Variants in RANBP3 observed in about 807,000 individuals in gnomAD.
The protein encoded by RANBP3 is RAN binding protein 3, also known as ran-binding protein 3.
Under a neutral mutation model 77.3 loss-of-function variants are expected in RANBP3, and 14 were observed. The observed-to-expected ratio is 0.18, with a 90% confidence interval of 0.12 to 0.28. The LOEUF (loss-of-function observed/expected upper bound fraction) is 0.28. Ranked by LOEUF, RANBP3 falls within the 10% of genes least tolerant of loss-of-function variation. RANBP3 has a pLI of 1.00. For missense variants in RANBP3, 586 were observed against 752.3 expected (o/e 0.78, Z 2.59); for synonymous variants, 315 against 312.4 (o/e 1.01, Z -0.09).
intron 5 of RANBP3, among the ~76,000 whole-genome samples, chr19:5,934,738 G>A (rs1385149221): frequency 2.6e-5 from 4 of 152,220 alleles, no homozygotes; most frequent in Non-Finnish European, 4.4e-5. Context: ...GGAGGCAGAG[G>A]TGGGAAGATC....
rs761605718 is a variant in RANBP3 at position 5,941,823 on chromosome 19, C to T, written c.295G>A (p.Gly99Ser). Residue 99 changes from glycine to serine, a missense_variant, in exon 4 of 17, where the codon GGC (glycine) becomes AGC (serine). Physicochemically the swap from Gly to Ser is moderately conservative, Grantham distance 56. Around this residue, in one of 5 missense-constraint regions of RANBP3, gnomAD observed 172 missense variants for 183.4 expected, o/e 0.94. Coordinates refer to ENST00000340578, the MANE Select transcript of RANBP3 (RefSeq NM_007322.3). ...PRELAGRSAG[G>S]SSPEGGEDSD... is the part of the protein sequence containing the mutation. ...CCTTCTCCGCCTTCAGGACTGGAGC[C>T]GCCAGCTGACCTCTGAAACAAGGAG... The T allele has an allele frequency of 2.7e-5, 43 of 1,611,980 alleles. No individual in the cohort carries two copies. The highest frequency in any genetic ancestry group is 1.5e-4 in the South Asian group (14 of 90,980).
rs1001282609 is a variant in RANBP3, at chr19:5,958,786, T to C, written c.23-813A>G. 1.3e-5 allele frequency among the ~76,000 whole-genome samples: 2 copies of C among 152,226 alleles called. No individual in the cohort carries two copies. Among genetic ancestry groups the C allele is most frequent in the African/African-American group, 4.8e-5 (2 of 41,458 alleles). On this transcript the variant is annotated intron_variant, in intron 1 of 16. Transcript: ENST00000340578. The surrounding 1 kb of genome is among the most constrained non-coding windows in gnomAD (Gnocchi z 4.4). Reference sequence around the variant, plus strand: ...TCATGGCCTTGGGCCTGCATGCACTTTGATGAACTCTGGGGGTGCTCCCAG... The same window carrying C: ...TCATGGCCTTGGGCCTGCATGCACTCTGATGAACTCTGGGGGTGCTCCCAG...
Position 5,924,932 on chromosome 19 carries a change from G to T in RANBP3, c.918-27C>A. 6.3e-7 allele frequency: 1 copy of T among 1,599,872 alleles called. No individual in the cohort carries two copies. Among genetic ancestry groups the T allele is most frequent in the Non-Finnish European group, 8.6e-7 (1 of 1,167,126 alleles). Reference sequence around the variant, plus strand: ...TGAAGAGAAGATGTGCAATGAGTGTGGGGCGTCACGTGGGAACGTGGCCAG... The same window carrying T: ...TGAAGAGAAGATGTGCAATGAGTGTTGGGCGTCACGTGGGAACGTGGCCAG... On this transcript the variant is annotated intron_variant, in intron 10 of 16. Transcript: ENST00000340578. The surrounding 1 kb of genome is among the most constrained non-coding windows in gnomAD (Gnocchi z 4.7).
intron 5 of RANBP3, chr19:5,934,332 A>G (rs1249990781): frequency 6.6e-6 from 1 of 152,266 alleles, no homozygotes; most frequent in Non-Finnish European, 1.5e-5. Flanking sequence ...AGACTGTGGC[A>G]TTATGGCTCC....
At chr19:5,951,233 T>C (rs1008553941) in intron 3 of RANBP3, among the ~76,000 whole-genome samples, 160 bp downstream of exon 3, 1 of 152,198 alleles carries the variant, frequency 6.6e-6, no homozygotes, top group Non-Finnish European at 1.5e-5. Context: ...TTCAGCAGCA[T>C]GAATTAAAGC....
At position 5,921,052 on chromosome 19, in the gene RANBP3, G is replaced by T. The variant is rs891594597; in HGVS notation, c.1330+149C>A. 3.0e-6 allele frequency: 3 copies of T among 985,492 alleles called. No homozygotes were observed. The highest frequency in any genetic ancestry group is 4.2e-6 in the Non-Finnish European group (3 of 711,012). The allele number at this position is 985,492 out of a possible 1,614,324, so 61.0% of individuals were successfully genotyped here. ...GGGCTGGGTGCAGGGAGGGGGTTTG[G>T]GGGGCGGCTCTCATGGGAGACCGAC... On this transcript the variant is annotated intron_variant, in intron 14 of 16. Transcript: ENST00000340578. This position sits in a 1 kb window ranked among gnomAD's most constrained non-coding sequence, Gnocchi z 5.3.
In RANBP3 at chr19:5,938,418, G is replaced by A. The variant is rs564151250; in HGVS notation, c.406+3203C>T. 7.2e-5 allele frequency among the ~76,000 whole-genome samples: 11 copies of A among 152,276 alleles called. No homozygotes were observed. In the East Asian group the frequency reaches 1.9e-3, roughly 27 times the overall value. ...AATTTTAAAGCTGGGGGCCAGACGT[G>A]GTGGCTCACGCCTGTAATCCTAGCA... On this transcript the variant is annotated intron_variant, in intron 5 of 16. Transcript: ENST00000340578.
chr19:5,924,964 G>T lies in RANBP3; in HGVS notation c.918-59C>A, dbSNP rs1047594312. 1.4e-6 allele frequency: 2 copies of T among 1,465,890 alleles called. No homozygotes were observed. Among genetic ancestry groups the T allele is most frequent in the African/African-American group, 1.4e-5 (1 of 71,666 alleles). 90.8% of individuals were successfully genotyped at this position (1,465,890 alleles called of 1,614,324 possible). A position where few individuals can be genotyped will look rare whatever the true frequency, so the allele number is the denominator to read the frequency against. ...CACGTGGGAACGTGGCCAGGCAAATGTATGGGTACCCATGGAGCACACACT... is the reference window on the plus strand; with the variant it reads ...CACGTGGGAACGTGGCCAGGCAAATTTATGGGTACCCATGGAGCACACACT... On this transcript the variant is annotated intron_variant, in intron 10 of 16. Coordinates refer to ENST00000340578, the MANE Select transcript of RANBP3 (RefSeq NM_007322.3). This position sits in a 1 kb window ranked among gnomAD's most constrained non-coding sequence, Gnocchi z 4.7.
At position 5,923,255 on chromosome 19, in the gene RANBP3, T is replaced by C. The variant is rs2057850780; in HGVS notation, c.1148A>G (p.Lys383Arg). The C allele has an allele frequency of 1.9e-6, 3 of 1,613,986 alleles. No homozygotes were observed. The highest frequency in any genetic ancestry group is 1.7e-5 in the Admixed American group (1 of 60,004). ...GACTTCCACTTTTTCCAACAAACAC[T>C]TCCGCGCTGTTGCCTTGGTGTAGGC... is the stretch of plus-strand genomic sequence containing the variant. Reference protein sequence around the residue: ...AAAYTKATARKCLLEKVEVIT... With the variant: ...AAAYTKATARRCLLEKVEVIT... Residue 383 changes from lysine to arginine, a missense_variant, in exon 13 of 17, where the codon AAG becomes AGG. Transcript: ENST00000340578.
chr19:5,931,589 C>T, intron 7 of RANBP3, 58 bp from the exon 8 acceptor site: 1 of 1,555,162 alleles, frequency 6.4e-7, no homozygotes, highest in African/African-American at 1.3e-5. Context: ...CCCACCCCCA[C>T]TCACATAGCT....
At position 5,925,774 on chromosome 19, in the gene RANBP3, G is replaced by C. The variant is rs774241313; in HGVS notation, c.814-37C>G. ...ACGGAGCGCTCAGTAATCGGGGGTG[G>C]GGGGGTGCCTGGAGTTCCACAGCTC... is the stretch of plus-strand genomic sequence containing the variant. On this transcript the variant is annotated intron_variant, in intron 9 of 16. Transcript: ENST00000340578. 9.6e-6 allele frequency: 15 copies of C among 1,568,312 alleles called. 1 individual carries two copies. In the Admixed American group the frequency reaches 2.2e-4, roughly 23 times the overall value.
intron 11 of RANBP3, 26 bp from the exon 12 acceptor site, chr19:5,923,940 G>A (rs764513465): frequency 1.1e-5 from 17 of 1,560,970 alleles, no homozygotes; most frequent in Non-Finnish European, 1.4e-5. Flanking sequence ...AGCATACAAG[G>A]AAGAGGGCAC....
chr19:5,958,085 C>A lies in RANBP3; in HGVS notation c.23-112G>T. On this transcript the variant is annotated intron_variant, in intron 1 of 16. Transcript: ENST00000340578. The surrounding 1 kb of genome is among the most constrained non-coding windows in gnomAD (Gnocchi z 4.4). ...TATATATAAATGAAACTAGTAACTCCAGAGAACATCAAATCACTTAGAACA... is the reference window on the plus strand; with the variant it reads ...TATATATAAATGAAACTAGTAACTCAAGAGAACATCAAATCACTTAGAACA... 1 of 942,608 alleles carries A rather than the reference C, an allele frequency of 1.1e-6. No homozygotes were observed. The highest frequency in any genetic ancestry group is 2.6e-5 in the East Asian group (1 of 38,818). 58.4% of individuals were successfully genotyped at this position (942,608 alleles called of 1,614,324 possible).
At chr19:5,977,988 G>A (rs1159426239) in intron 1 of RANBP3, 73 bp downstream of exon 1, 9 of 1,588,360 alleles carry the variant, frequency 5.7e-6, no homozygotes, top group Non-Finnish European at 6.9e-6. Flanking sequence ...CTCCCCCCAA[G>A]GGCTTGTGGC....
chr19:5,967,120 T>C (rs532888575), intron 1 of RANBP3, among the ~76,000 whole-genome samples: 16 of 152,358 alleles, frequency 1.1e-4, no homozygotes, highest in Non-Finnish European at 2.2e-4. Flanking sequence ...ATCTCAAACA[T>C]GCAGTTGCTA....
chr19:5,974,700 C>T (rs1006458548), intron 1 of RANBP3, among the ~76,000 whole-genome samples: 3 of 152,106 alleles, frequency 2.0e-5, no homozygotes, highest in Non-Finnish European at 4.4e-5. Context: ...GACACCTACC[C>T]TCTACTACTC....
chr19:5,922,734 G>A (rs2057840122), intron 13 of RANBP3, among the ~76,000 whole-genome samples: 1 of 152,194 alleles, frequency 6.6e-6, no homozygotes, highest in African/African-American at 2.4e-5. Flanking sequence ...GAGGTCAGGA[G>A]TTTGAGACCA....
intron 3 of RANBP3, among the ~76,000 whole-genome samples, chr19:5,946,934 C>A (rs544690695): frequency 6.6e-6 from 1 of 152,348 alleles, no homozygotes; most frequent in East Asian, 1.9e-4. Flanking sequence ...GGCAGTGGGT[C>A]CTCAGGGGTT....
At chr19:5,977,109 A>C (rs1485554022) in intron 1 of RANBP3, among the ~76,000 whole-genome samples, 1 of 152,222 alleles carries the variant, frequency 6.6e-6, no homozygotes, top group East Asian at 1.9e-4. Context: ...CATTACTGCA[A>C]TTCGGTAGGG....
Sources: gnomAD v4.1 joint callset for allele counts (sites outside exome capture counted in the v4.1 genomes callset) on GRCh38, gnomAD v4.1.1 for gene constraint, gnomAD v4.1.1 regional missense constraint, Gnocchi (gnomAD v3.1) non-coding constraint, MANE v1.5 for transcripts, NCBI Gene and HGNC (gene_info 2026-07-23, HGNC 2026-07-21) for gene names.